The following STXBP5L variants were observed in gnomAD, a reference collection of about 807,000 sequenced individuals.
STXBP5L encodes the protein syntaxin-binding protein 5-like.
A neutral mutation model predicts 144.5 loss-of-function variants in STXBP5L; 65 were observed. The ratio of observed to expected loss-of-function variants is 0.45; its 90% CI spans 0.37 to 0.55. The LOEUF (loss-of-function observed/expected upper bound fraction) is 0.55, where lower values mean the gene tolerates loss of function less well. Ranked by LOEUF, STXBP5L falls within the 20% of genes least tolerant of loss-of-function variation. The probability of loss-of-function intolerance (pLI) is 0.00; values close to 1 mark genes in which losing one functional copy is unlikely to be tolerated. For missense variants in STXBP5L, 1,298 were observed against 1,405.5 expected, an observed-to-expected ratio of 0.92 and a Z score of 1.22; for synonymous variants, 505 against 469.6, an observed-to-expected ratio of 1.08 and a Z score of -0.97.
intron 20 of STXBP5L, among the ~76,000 whole-genome samples, chr3:121,346,322 G>A (rs189672974): frequency 1.9e-4 from 29 of 152,178 alleles, no homozygotes; most frequent in Non-Finnish European, 3.5e-4. Context: ...TGGTGTATAT[G>A]TGCCACATTT....
At chr3:120,967,041 A>G (rs1939665215) in intron 3 of STXBP5L, among the ~76,000 whole-genome samples, 1 of 152,072 alleles carries the variant, frequency 6.6e-6, no homozygotes, top group Non-Finnish European at 1.5e-5. Context: ...GCCGCTTGGC[A>G]GATCAACCTC....
chr3:120,981,487 G>C (rs538205084), intron 3 of STXBP5L, among the ~76,000 whole-genome samples: 1 of 152,098 alleles, frequency 6.6e-6, no homozygotes, highest in African/African-American at 2.4e-5. Context: ...TTAGGGCTTT[G>C]ATCTCTATAT....
In STXBP5L at chr3:121,197,227, C is replaced by T. The variant is rs140258726; in HGVS notation, c.878-8696C>T. On this transcript the variant is annotated intron_variant, in intron 9 of 26. Transcript: ENST00000471454. ...GTCCTTTTTTATGGTTTGCTTTAAA[C>T]TTTTTTGTATCTTTGATCAAAGCGT... Among the ~76,000 whole-genome samples, 480 of 152,152 alleles carry T rather than the reference C, an allele frequency of 3.2e-3. 2 individuals are homozygous for T. Among genetic ancestry groups the T allele is most frequent in the Non-Finnish European group, 5.0e-3 (338 of 68,010 alleles).
At chr3:121,317,711 A>G (rs1014132330) in intron 19 of STXBP5L, among the ~76,000 whole-genome samples, 1 of 152,180 alleles carries the variant, frequency 6.6e-6, no homozygotes, top group Admixed American at 6.5e-5. Context: ...TGGCAAGTAG[A>G]AAGAATTATA....
At chr3:121,347,335 A>G (rs1368567599) in intron 20 of STXBP5L, among the ~76,000 whole-genome samples, 1 of 152,180 alleles carries the variant, frequency 6.6e-6, no homozygotes, top group Non-Finnish European at 1.5e-5. Context: ...TACCAGTACC[A>G]TGCTGTTTTG....
chr3:121,079,145 T>C (rs529121255), intron 5 of STXBP5L, among the ~76,000 whole-genome samples: 65 of 152,288 alleles, frequency 4.3e-4, no homozygotes, highest in African/African-American at 1.2e-3. Flanking sequence ...TGGAGGAAAG[T>C]TTATTAAGGT....
intron 10 of STXBP5L, among the ~76,000 whole-genome samples, chr3:121,210,743 A>G (rs2048529492): frequency 6.6e-6 from 1 of 152,106 alleles, no homozygotes; most frequent in East Asian, 1.9e-4. Context: ...ATAGTTGTAG[A>G]TGTGTGGTAT....
chr3:121,127,991 T>C (rs1294882204), intron 7 of STXBP5L, among the ~76,000 whole-genome samples: 1 of 152,014 alleles, frequency 6.6e-6, no homozygotes, highest in African/African-American at 2.4e-5. Context: ...CAGAATCAGA[T>C]CTCAGATCTC....
intron 9 of STXBP5L, among the ~76,000 whole-genome samples, chr3:121,171,245 C>A (rs2046703743): frequency 6.6e-6 from 1 of 152,092 alleles, no homozygotes; most frequent in Non-Finnish European, 1.5e-5. Context: ...AAACCCACAG[C>A]CAATATACTC....
At chr3:121,370,271 G>A (rs1246706667) in intron 20 of STXBP5L, among the ~76,000 whole-genome samples, 1 of 152,168 alleles carries the variant, frequency 6.6e-6, no homozygotes, top group Non-Finnish European at 1.5e-5. Context: ...GGGAGGCTGA[G>A]GCAAGAGAAT....
intron 3 of STXBP5L, among the ~76,000 whole-genome samples, chr3:120,967,378 G>T (rs1202602728): frequency 2.6e-5 from 4 of 152,104 alleles, no homozygotes; most frequent in African/African-American, 9.7e-5. Context: ...CATCTTCTGT[G>T]TCAATCACAC....
intron 19 of STXBP5L, among the ~76,000 whole-genome samples, chr3:121,296,208 A>C (rs112506153): frequency 1.3e-5 from 2 of 152,216 alleles, no homozygotes; most frequent in African/African-American, 4.8e-5. Context: ...CTTTATCCAC[A>C]TAAAATCTTG....
In STXBP5L at chr3:121,121,724, T is replaced by C. The variant is rs75367092; in HGVS notation, c.669+20T>C. ...GGCAAAGTGAGTATTATGATATCTT[T>C]ATTATTAGTTTTATTTTCCTCATTC... On this transcript the variant is annotated intron_variant, in intron 7 of 26. Transcript: ENST00000471454. 89,396 of 1,546,182 alleles carry C rather than the reference T, an allele frequency of 0.058. 5,057 individuals carry two copies. Among genetic ancestry groups the C allele is most frequent in the Admixed American group, 0.26 (15,014 of 58,834 alleles).
At chr3:121,406,904 C>T (rs923691549) in intron 22 of STXBP5L, among the ~76,000 whole-genome samples, 3 of 151,780 alleles carry the variant, frequency 2.0e-5, no homozygotes, top group Non-Finnish European at 2.9e-5. Context: ...ATGAAAGAAT[C>T]GTGGGGTAGG....
intron 2 of STXBP5L, among the ~76,000 whole-genome samples, chr3:120,939,171 T>C (rs1710424924): frequency 6.6e-6 from 1 of 152,198 alleles, no homozygotes; most frequent in Admixed American, 6.6e-5. Context: ...AATTAAATGA[T>C]ATAATCCACG....
chr3:121,052,188 T>C (rs370932181), intron 5 of STXBP5L, among the ~76,000 whole-genome samples: 11 of 152,158 alleles, frequency 7.2e-5, no homozygotes, highest in African/African-American at 2.4e-4. Context: ...CTGAAACTAT[T>C]CCAATCAATA....
chr3:120,990,952 A>T (rs1436871417), intron 3 of STXBP5L, among the ~76,000 whole-genome samples: 1 of 152,242 alleles, frequency 6.6e-6, no homozygotes, highest in African/African-American at 2.4e-5. Flanking sequence ...ACCAAAAGCA[A>T]TGGCAACAAA....
chr3:121,343,400 C>A (rs896502796), intron 20 of STXBP5L, among the ~76,000 whole-genome samples: 30 of 151,948 alleles, frequency 2.0e-4, no homozygotes, highest in African/African-American at 6.5e-4. Context: ...ATGGCCAGGG[C>A]AATTAGGCAG....
intron 19 of STXBP5L, among the ~76,000 whole-genome samples, chr3:121,295,374 T>A (rs934599421): frequency 6.6e-6 from 1 of 152,112 alleles, no homozygotes; most frequent in Non-Finnish European, 1.5e-5. Flanking sequence ...CATTGAGAGA[T>A]GAAACAAGTG....
Sources: allele counts gnomAD v4.1 joint callset (sites outside exome capture counted in the v4.1 genomes callset), GRCh38; gene constraint gnomAD v4.1.1; transcripts MANE v1.5; gene names NCBI Gene and HGNC (gene_info 2026-07-23, HGNC 2026-07-21).